SCAMP1: variants seen among roughly 807,000 people sequenced by gnomAD.
SCAMP1 encodes the protein secretory carrier-associated membrane protein 1.
A neutral mutation model predicts 41.8 loss-of-function variants in SCAMP1; 15 were observed. The observed-to-expected ratio is 0.36, with a 90% CI of 0.24 to 0.55. The LOEUF is 0.55. Among genes scored for constraint, SCAMP1 ranks in the 20% least tolerant of loss-of-function variants. SCAMP1 has a pLI of 0.86. For synonymous variants in SCAMP1, 135 were observed against 136.8 expected (o/e 0.99, Z 0.09); for missense variants, 341 against 412.6 (o/e 0.83, Z 1.50).
At chr5:78,443,079 G>C (rs1752965946) in intron 6 of SCAMP1, among the ~76,000 whole-genome samples, 2 of 151,928 alleles carry the variant, frequency 1.3e-5, no homozygotes, top group South Asian at 4.2e-4. Flanking sequence ...TGGGTGTGGT[G>C]GTGGGTGCCT....
In SCAMP1 at chr5:78,479,833, GA is replaced by G. The variant is rs1164112178; in HGVS notation, c.*4166del. On this transcript the variant is annotated 3_prime_UTR_variant, in exon 9 of 9. Transcript: ENST00000621999. ...CAAGGTGGGCGGATCACGAGGTCAG[GA>G]GATCGAAACCATCCTGGCTAACATG... Among the ~76,000 whole-genome samples the G allele has an allele frequency of 6.6e-6, 1 of 152,032 alleles. No individual in the cohort carries two copies. Among genetic ancestry groups the G allele is most frequent in the African/African-American group, 2.4e-5 (1 of 41,392 alleles).
At chr5:78,398,806 A>C (rs1246882256) in intron 2 of SCAMP1, among the ~76,000 whole-genome samples, 1 of 151,848 alleles carries the variant, frequency 6.6e-6, no homozygotes, top group Admixed American at 6.6e-5. Context: ...CAACCTCCCA[A>C]AGTGTTGGGA....
At chr5:78,425,472 A>G (rs535627367) in intron 6 of SCAMP1, among the ~76,000 whole-genome samples, 2 of 152,240 alleles carry the variant, frequency 1.3e-5, no homozygotes, top group Admixed American at 1.3e-4. Flanking sequence ...TGTACTCCCA[A>G]ACCTTTTTTT....
chr5:78,408,144 T>C (rs1751979203), intron 2 of SCAMP1, among the ~76,000 whole-genome samples: 1 of 151,002 alleles, frequency 6.6e-6, no homozygotes, highest in Admixed American at 6.6e-5. Flanking sequence ...AGAAAAAGAG[T>C]TTTAATGGAC....
At chr5:78,420,451 TAACAC>T (rs1220233456) in intron 5 of SCAMP1, among the ~76,000 whole-genome samples, 1 of 151,952 alleles carries the variant, frequency 6.6e-6, no homozygotes, top group African/African-American at 2.4e-5. Context: ...TTTAAGATCT[TAACAC>T]AACCACCCTT....
intron 1 of SCAMP1, among the ~76,000 whole-genome samples, chr5:78,382,647 C>G (rs986490994): frequency 5.9e-5 from 9 of 152,204 alleles, no homozygotes; most frequent in African/African-American, 2.2e-4. Flanking sequence ...TTAACTCCCA[C>G]TTGTGAGAAC....
At chr5:78,382,182 A>G (rs1281185345) in intron 1 of SCAMP1, among the ~76,000 whole-genome samples, 1 of 152,154 alleles carries the variant, frequency 6.6e-6, no homozygotes, top group African/African-American at 2.4e-5. Flanking sequence ...TCTGTGTCTT[A>G]TTTGATTTTG....
At chr5:78,437,003 A>G (rs570655983) in intron 6 of SCAMP1, among the ~76,000 whole-genome samples, 2 of 152,168 alleles carry the variant, frequency 1.3e-5, no homozygotes, top group East Asian at 3.9e-4. Flanking sequence ...ATGGGAGTTC[A>G]CTCACAATTT....
chr5:78,405,436 A>G (rs1362006642), intron 2 of SCAMP1, among the ~76,000 whole-genome samples: 4 of 152,162 alleles, frequency 2.6e-5, no homozygotes, highest in Non-Finnish European at 5.9e-5. Flanking sequence ...CCCCCCAGGT[A>G]GATAATCTGC....
intron 1 of SCAMP1, among the ~76,000 whole-genome samples, chr5:78,362,749 A>T (rs1009922451): frequency 3.3e-5 from 5 of 152,148 alleles, no homozygotes; most frequent in Non-Finnish European, 7.3e-5. Context: ...CTCACAAAGT[A>T]TAGTTTTATA....
chr5:78,430,981 T>C (rs1752606157), intron 6 of SCAMP1, among the ~76,000 whole-genome samples: 1 of 152,072 alleles, frequency 6.6e-6, no homozygotes, highest in Non-Finnish European at 1.5e-5. Context: ...TATTTCCTAA[T>C]AGCTTTTCTG....
chr5:78,459,273 A>T lies in SCAMP1; in HGVS notation c.763A>T (p.Asn255Tyr). 1 of 1,602,014 alleles carries T rather than the reference A, an allele frequency of 6.2e-7. No individual in the cohort carries two copies. The highest frequency in any genetic ancestry group is 8.5e-7 in the Non-Finnish European group (1 of 1,169,914). Reference protein sequence around the residue: ...CGWISSLTGLNQNIPVGIMMI... With the variant: ...CGWISSLTGLYQNIPVGIMMI... ...TTGGATTTCATCCCTTACTGGTCTC[A>T]ACCAAAATATTCCTGTTGGAATCAT... is the stretch of plus-strand genomic sequence containing the variant. The change falls in exon 8 of 9, where the codon AAC (asparagine) becomes TAC (tyrosine). Residue 255 changes from asparagine to tyrosine, a missense_variant. By Grantham distance (143) the Asn-to-Tyr change is moderately radical (BLOSUM62 -2). Transcript: ENST00000621999.
chr5:78,464,414 A>T (rs1753691107), intron 8 of SCAMP1, among the ~76,000 whole-genome samples: 1 of 152,108 alleles, frequency 6.6e-6, no homozygotes, highest in South Asian at 2.1e-4. Context: ...ATGAGCCACC[A>T]CGCACAGCCA....
intron 6 of SCAMP1, among the ~76,000 whole-genome samples, chr5:78,423,904 G>T (rs1322414547): frequency 5.9e-5 from 9 of 151,540 alleles, no homozygotes; most frequent in African/African-American, 2.2e-4. Flanking sequence ...GAGTGCAATG[G>T]CTTGATCTCG....
intron 2 of SCAMP1, among the ~76,000 whole-genome samples, chr5:78,400,432 G>A (rs140062436): frequency 1.2e-4 from 18 of 152,242 alleles, no homozygotes; most frequent in Admixed American, 5.2e-4. Context: ...TTGGGATTGC[G>A]TTGAATCTGT....
intron 1 of SCAMP1, among the ~76,000 whole-genome samples, chr5:78,383,453 T>C (rs916090346): frequency 3.9e-5 from 6 of 152,132 alleles, no homozygotes; most frequent in African/African-American, 1.2e-4. Context: ...CCATCTATTA[T>C]CCTTTTTTGT....
intron 3 of SCAMP1, among the ~76,000 whole-genome samples, chr5:78,415,908 G>GAA (rs1752198401): frequency 3.9e-5 from 6 of 152,068 alleles, no homozygotes; most frequent in Non-Finnish European, 4.4e-5. Flanking sequence ...TACCATTAAG[G>GAA]TAAAAATGAT....
Position 78,418,765 on chromosome 5 carries a change from A to G in SCAMP1, c.344-10A>G. On this transcript the variant is annotated splice_polypyrimidine_tract_variant and intron_variant, in intron 4 of 8. Transcript: ENST00000621999. ...AAATAACCTTTTCTTTTTCTAAAAA[A>G]AATTTACAGGTAGAAAAAATAATTG... 1.4e-6 allele frequency: 2 copies of G among 1,481,292 alleles called. No individual in the cohort carries two copies. Among genetic ancestry groups the G allele is most frequent in the Non-Finnish European group, 1.8e-6 (2 of 1,104,698 alleles). The allele number at this position is 1,481,292 out of a possible 1,614,324, so 91.8% of individuals were successfully genotyped here.
chr5:78,404,676 T>C (rs1445367081), intron 2 of SCAMP1, among the ~76,000 whole-genome samples: 1 of 152,078 alleles, frequency 6.6e-6, no homozygotes, highest in African/African-American at 2.4e-5. Flanking sequence ...TGCAGTTGGG[T>C]ATTTCCCTTC....
Sources: gnomAD v4.1 joint callset for allele counts (sites outside exome capture counted in the v4.1 genomes callset) on GRCh38, gnomAD v4.1.1 for gene constraint, MANE v1.5 for transcripts, NCBI Gene and HGNC (gene_info 2026-07-23, HGNC 2026-07-21) for gene names.